Variants in RAB8B observed in about 807,000 individuals in gnomAD.
The protein encoded by RAB8B is RAB8B, member RAS oncogene family.
A neutral mutation model predicts 32.0 loss-of-function variants in RAB8B; 11 were observed. The observed-to-expected ratio is 0.34, with a 90% confidence interval of 0.22 to 0.57. The LOEUF is 0.57. RAB8B is among the 20% of genes least tolerant of loss of function. The pLI is 0.86. For synonymous variants in RAB8B, 103 were observed against 89.6 expected (o/e 1.15, Z -0.85); for missense variants, 190 against 258.5 (o/e 0.73, Z 1.82).
chr15:63,239,843 T>C (rs1376770931), intron 1 of RAB8B, among the ~76,000 whole-genome samples: 2 of 152,154 alleles, frequency 1.3e-5, no homozygotes, highest in African/African-American at 2.4e-5. Context: ...AAAGAGAGGA[T>C]GGAGTCTTCG....
chr15:63,202,166 T>C (rs1031950629), intron 1 of RAB8B, among the ~76,000 whole-genome samples: 2 of 144,226 alleles, frequency 1.4e-5, no homozygotes, highest in Non-Finnish European at 3.0e-5. Context: ...TAGTCCCAGC[T>C]ACTTGGGAGG....
At chr15:63,219,266 C>A (rs2037821830) in intron 1 of RAB8B, among the ~76,000 whole-genome samples, 1 of 149,564 alleles carries the variant, frequency 6.7e-6, no homozygotes, top group African/African-American at 2.5e-5. Context: ...CCACTGCACT[C>A]CAGCCTGGCA....
chr15:63,212,630 G>C (rs2141116720), intron 1 of RAB8B, among the ~76,000 whole-genome samples: 1 of 152,260 alleles, frequency 6.6e-6, no homozygotes. Context: ...CTTTACTGTG[G>C]GAAGAGGGGG....
chr15:63,192,595 T>C (rs2037566032), intron 1 of RAB8B, among the ~76,000 whole-genome samples: 1 of 152,218 alleles, frequency 6.6e-6, no homozygotes, highest in Admixed American at 6.5e-5. Context: ...TTGGTAGATA[T>C]GTATGGGTGT....
In RAB8B at chr15:63,244,098, A is replaced by G. The variant is rs187317524; in HGVS notation, c.125-658A>G. Among the ~76,000 whole-genome samples, 251 of 152,322 alleles carry G rather than the reference A, an allele frequency of 1.6e-3. 1 individual carries two copies. Among genetic ancestry groups the G allele is most frequent in the Non-Finnish European group, 2.8e-3 (191 of 68,016 alleles). Reference sequence around the variant, plus strand: ...GTATCTCTAAGGTCCCACAATGGCAATCTAATTTCAACCTGAGTTTTGGAG... The same window carrying G: ...GTATCTCTAAGGTCCCACAATGGCAGTCTAATTTCAACCTGAGTTTTGGAG... On this transcript the variant is annotated intron_variant, in intron 1 of 7. Coordinates refer to ENST00000321437, the MANE Select transcript of RAB8B (RefSeq NM_016530.3).
At chr15:63,227,235 T>C (rs1454657277) in intron 1 of RAB8B, among the ~76,000 whole-genome samples, 1 of 152,182 alleles carries the variant, frequency 6.6e-6, no homozygotes, top group African/African-American at 2.4e-5. Flanking sequence ...GTTGCTCTGG[T>C]TCACACGCCT....
At chr15:63,206,363 CCTT>C (rs778192365) in intron 1 of RAB8B, among the ~76,000 whole-genome samples, 17 of 151,968 alleles carry the variant, frequency 1.1e-4, no homozygotes, top group Admixed American at 3.9e-4. Flanking sequence ...ATAGCAATCT[CCTT>C]AAGTCCCAGC....
In RAB8B at chr15:63,229,687, A is replaced by G. The variant is rs151017619; in HGVS notation, c.125-15069A>G. 2.8e-3 allele frequency among the ~76,000 whole-genome samples: 416 copies of G among 150,846 alleles called. 7 individuals carry two copies. Among genetic ancestry groups the G allele is most frequent in the African/African-American group, 9.8e-3 (401 of 40,838 alleles). On this transcript the variant is annotated intron_variant, in intron 1 of 7. Transcript: ENST00000321437. ...TTCCAGCTACTCAGGAGGCTGAGGCACAAGAATCTCTTGAACCCTGGGGGC... is the reference window on the plus strand; with the variant it reads ...TTCCAGCTACTCAGGAGGCTGAGGCGCAAGAATCTCTTGAACCCTGGGGGC...
chr15:63,203,720 C>T (rs979014001), intron 1 of RAB8B, among the ~76,000 whole-genome samples: 1 of 152,210 alleles, frequency 6.6e-6, no homozygotes, highest in Non-Finnish European at 1.5e-5. Context: ...TCCGTTATCC[C>T]TATTTTCCAA....
At chr15:63,231,153 C>T (rs2037933477) in intron 1 of RAB8B, among the ~76,000 whole-genome samples, 1 of 152,160 alleles carries the variant, frequency 6.6e-6, no homozygotes, top group Non-Finnish European at 1.5e-5. Flanking sequence ...TGGTTATTAT[C>T]TGATACATTA....
At chr15:63,226,245 T>C (rs1410614731) in intron 1 of RAB8B, among the ~76,000 whole-genome samples, 1 of 152,220 alleles carries the variant, frequency 6.6e-6, no homozygotes, top group African/African-American at 2.4e-5. Flanking sequence ...ATTGTATCTA[T>C]CATGTGTGGT....
chr15:63,190,087 C>A (rs1472336641), intron 1 of RAB8B, among the ~76,000 whole-genome samples: 1 of 149,246 alleles, frequency 6.7e-6, no homozygotes, highest in Non-Finnish European at 1.5e-5. Flanking sequence ...GGGGGGAAGA[C>A]TCAGGAAATC....
At chr15:63,207,102 G>T (rs374862177) in intron 1 of RAB8B, among the ~76,000 whole-genome samples, 5 of 152,194 alleles carry the variant, frequency 3.3e-5, no homozygotes, top group Non-Finnish European at 7.3e-5. Context: ...ACTTCCAAGT[G>T]TCTGTTCTCT....
intron 1 of RAB8B, among the ~76,000 whole-genome samples, chr15:63,242,075 A>G (rs2038036831): frequency 6.6e-6 from 1 of 150,718 alleles, no homozygotes; most frequent in South Asian, 2.1e-4. Context: ...TGCCATTCTT[A>G]ATGGCAATTA....
intron 1 of RAB8B, among the ~76,000 whole-genome samples, chr15:63,225,484 T>C (rs2037881007): frequency 6.6e-6 from 1 of 152,250 alleles, no homozygotes; most frequent in African/African-American, 2.4e-5. Context: ...TGCCGCTTGC[T>C]TACTCTCAGC....
intron 1 of RAB8B, among the ~76,000 whole-genome samples, chr15:63,216,115 T>G (rs2037789138): frequency 6.6e-6 from 1 of 152,000 alleles, no homozygotes; most frequent in Admixed American, 6.6e-5. Flanking sequence ...TGTGTTTTTC[T>G]TCTCTATAAT....
intron 1 of RAB8B, among the ~76,000 whole-genome samples, chr15:63,210,574 C>T (rs1415213829): frequency 6.6e-6 from 1 of 152,204 alleles, no homozygotes; most frequent in Non-Finnish European, 1.5e-5. Flanking sequence ...CCTCCAGCTT[C>T]CCAACCTTCT....
At chr15:63,247,672 G>A (rs2038082390) in intron 2 of RAB8B, among the ~76,000 whole-genome samples, 1 of 152,240 alleles carries the variant, frequency 6.6e-6, no homozygotes, top group Non-Finnish European at 1.5e-5. Context: ...GGCTAAGAAC[G>A]AGGCAGGGCT....
At chr15:63,247,835 G>T (rs897786439) in intron 2 of RAB8B, among the ~76,000 whole-genome samples, 1 of 152,194 alleles carries the variant, frequency 6.6e-6, no homozygotes, top group African/African-American at 2.4e-5. Context: ...GGGCATATGT[G>T]ATGAAGCTGG....
Sources: gnomAD v4.1 joint callset for allele counts (sites outside exome capture counted in the v4.1 genomes callset) on GRCh38, gnomAD v4.1.1 for gene constraint, MANE v1.5 for transcripts, NCBI Gene and HGNC (gene_info 2026-07-23, HGNC 2026-07-21) for gene names.